The following RTTN variants were observed in gnomAD, a reference collection of about 807,000 sequenced individuals.
RTTN encodes the protein rotatin.
Under a neutral mutation model 269.2 loss-of-function variants are expected in RTTN, and 182 were observed. That is an observed-to-expected ratio of 0.68 (90% CI 0.60 to 0.76). The LOEUF (loss-of-function observed/expected upper bound fraction) is 0.76, where lower values mean the gene tolerates loss of function less well. RTTN is among the 30% of genes least tolerant of loss of function. The probability of loss-of-function intolerance (pLI) is 0.00; values close to 1 mark genes in which losing one functional copy is unlikely to be tolerated. For synonymous variants in RTTN, 1,006 were observed against 963.5 expected (o/e 1.04, Z -0.82); for missense variants, 2,545 against 2,608.6 (o/e 0.98, Z 0.53).
chr18:70,179,866 A>G lies in RTTN; in HGVS notation c.1306-3021T>C, dbSNP rs543765588. 3.0e-4 allele frequency among the ~76,000 whole-genome samples: 45 copies of G among 152,232 alleles called. No homozygotes were observed. In the South Asian group the frequency reaches 3.5e-3, roughly 12 times the overall value. ...AGTCACGGTTCCTCCTGCCAGTCTC[A>G]CAAGGCACTTCTCTGATTAAAAGCA... On this transcript the variant is annotated intron_variant, in intron 10 of 48. Transcript: ENST00000640769.
intron 33 of RTTN, 26 bp downstream of exon 33, chr18:70,075,326 T>TA: frequency 6.9e-7 from 1 of 1,454,646 alleles, no homozygotes; most frequent in Non-Finnish European, 9.2e-7. Flanking sequence ...ATTACAAAAA[T>TA]AAAAATACAA....
chr18:70,024,203 C>T (rs913907869), intron 44 of RTTN, among the ~76,000 whole-genome samples: 2 of 152,140 alleles, frequency 1.3e-5, no homozygotes, highest in Non-Finnish European at 2.9e-5. Context: ...CCCTACATGA[C>T]CTGTCCTCCT....
intron 27 of RTTN, among the ~76,000 whole-genome samples, chr18:70,113,537 C>T (rs2059528146): frequency 6.6e-6 from 1 of 152,140 alleles, no homozygotes; most frequent in Non-Finnish European, 1.5e-5. Flanking sequence ...AACAATTCCA[C>T]TCCTAATTAT....
chr18:70,119,567 G>A (rs2059685017), intron 26 of RTTN, among the ~76,000 whole-genome samples: 1 of 151,962 alleles, frequency 6.6e-6, no homozygotes, highest in Non-Finnish European at 1.5e-5. Flanking sequence ...AACCAGCAAG[G>A]ACATCAAGAT....
intron 42 of RTTN, among the ~76,000 whole-genome samples, chr18:70,029,439 T>C (rs1301117991): frequency 3.9e-5 from 6 of 152,182 alleles, no homozygotes; most frequent in Non-Finnish European, 8.8e-5. Flanking sequence ...GCATGCAGTT[T>C]AAACATGAGT....
intron 25 of RTTN, among the ~76,000 whole-genome samples, chr18:70,124,469 A>G (rs1245312987): frequency 2.6e-5 from 4 of 152,104 alleles, no homozygotes; most frequent in South Asian, 2.1e-4. Flanking sequence ...TACATCACAG[A>G]GTAAGAAGAC....
chr18:70,110,202 G>A (rs2145446092), intron 27 of RTTN, among the ~76,000 whole-genome samples: 1 of 151,246 alleles, frequency 6.6e-6, no homozygotes. Context: ...CTGCACTCCA[G>A]CCGGGGTGAC....
chr18:70,176,953 G>A, intron 10 of RTTN, 108 bp from the exon 11 acceptor site: 2 of 776,276 alleles, frequency 2.6e-6, no homozygotes, highest in Non-Finnish European at 3.8e-6. Flanking sequence ...CATTAAATAG[G>A]AAAACAAATC....
intron 21 of RTTN, among the ~76,000 whole-genome samples, chr18:70,137,134 A>G (rs2060143727): frequency 6.6e-6 from 1 of 152,204 alleles, no homozygotes; most frequent in African/African-American, 2.4e-5. Context: ...GAATTTGTAT[A>G]GTTCTATATT....
At chr18:70,100,576 C>T (rs2059132653) in intron 28 of RTTN, among the ~76,000 whole-genome samples, 1 of 152,152 alleles carries the variant, frequency 6.6e-6, no homozygotes, top group East Asian at 1.9e-4. Context: ...TTCTTTCTTT[C>T]TCCTGCCTGA....
chr18:70,132,577 CA>C (rs1415254562), intron 23 of RTTN, among the ~76,000 whole-genome samples: 1 of 151,726 alleles, frequency 6.6e-6, no homozygotes, highest in Non-Finnish European at 1.5e-5. Context: ...AATCACAAAA[CA>C]CTTAGAAAAT....
At chr18:70,127,363 A>G (rs565908417) in intron 25 of RTTN, 139 bp downstream of exon 25, 19 of 961,494 alleles carry the variant, frequency 2.0e-5, no homozygotes, top group Middle Eastern at 3.4e-4. Context: ...CTATTATTAC[A>G]GATGATAAAA....
At chr18:70,024,455 T>G (rs1459313575) in intron 44 of RTTN, among the ~76,000 whole-genome samples, 1 of 152,182 alleles carries the variant, frequency 6.6e-6, no homozygotes, top group African/African-American at 2.4e-5. Flanking sequence ...ATTTTCCTAC[T>G]AAACTCAATT....
chr18:70,149,377 T>A (rs1283277572), intron 16 of RTTN, among the ~76,000 whole-genome samples: 1 of 151,692 alleles, frequency 6.6e-6, no homozygotes, highest in Non-Finnish European at 1.5e-5. Flanking sequence ...GAAGATGGAG[T>A]GCTCTAAATG....
intron 11 of RTTN, among the ~76,000 whole-genome samples, chr18:70,173,713 T>C (rs186829299): frequency 6.6e-6 from 1 of 152,158 alleles, no homozygotes; most frequent in African/African-American, 2.4e-5. Flanking sequence ...ATCTGAGATA[T>C]TTTTACCACT....
intron 32 of RTTN, among the ~76,000 whole-genome samples, chr18:70,076,375 T>C (rs2058430296): frequency 6.6e-6 from 1 of 151,968 alleles, no homozygotes; most frequent in Non-Finnish European, 1.5e-5. Flanking sequence ...GAAAGATACG[T>C]TCAAAACATA....
rs759325226 is a variant in RTTN, at chr18:70,150,617, G to A, written c.2046C>T (p.Pro682=). 35 of 1,611,388 alleles carry A rather than the reference G, an allele frequency of 2.2e-5. No individual in the cohort carries two copies. The highest frequency in any genetic ancestry group is 4.4e-5 in the South Asian group (4 of 90,888). Reference sequence around the variant, plus strand: ...ATGTTTAATGTCATACCTCACTTTCGGGCTCTTGAATGCCAAATACAGAGA... The same window carrying A: ...ATGTTTAATGTCATACCTCACTTTCAGGCTCTTGAATGCCAAATACAGAGA... ...YEISVFGIQE[P]ESEVNTAAKA... Residue 682 remains proline (P), a synonymous_variant, in exon 15 of 49, where the codon CCC becomes CCT. Coordinates refer to ENST00000640769, the MANE Select transcript of RTTN (RefSeq NM_173630.4).
intron 43 of RTTN, among the ~76,000 whole-genome samples, chr18:70,027,807 C>T (rs2145573328): frequency 6.6e-6 from 1 of 152,162 alleles, no homozygotes; most frequent in East Asian, 1.9e-4. Context: ...TTCCATCAAA[C>T]TACTTTGAAA....
At chr18:70,052,673 TTACA>T (rs892283817) in intron 38 of RTTN, among the ~76,000 whole-genome samples, 2 of 121,408 alleles carry the variant, frequency 1.6e-5, no homozygotes, top group African/African-American at 5.1e-5. Context: ...ATGTGTCAAT[TTACA>T]TACATAAATT....
Sources: gnomAD v4.1 joint callset for allele counts (sites outside exome capture counted in the v4.1 genomes callset) on GRCh38, gnomAD v4.1.1 for gene constraint, MANE v1.5 for transcripts, NCBI Gene and HGNC (gene_info 2026-07-23, HGNC 2026-07-21) for gene names.